ELAVL4: variants seen among roughly 807,000 people sequenced by gnomAD.
ELAVL4 encodes ELAV like RNA binding protein 4.
Under a neutral mutation model 35.6 loss-of-function variants are expected in ELAVL4, and 1 was observed. The observed-to-expected ratio is 0.03, with a 90% CI of 0.01 to 0.13. The LOEUF is 0.13. ELAVL4 is among the 10% of genes least tolerant of loss of function. ELAVL4 has a pLI of 1.00. For synonymous variants in ELAVL4, 156 were observed against 171.0 expected, an observed-to-expected ratio of 0.91 and a Z score of 0.69; for missense variants, 267 against 464.9, an observed-to-expected ratio of 0.57 and a Z score of 3.91.
chr1:50,167,668 C>T (rs1220691018), intron 2 of ELAVL4, among the ~76,000 whole-genome samples: 2 of 152,216 alleles, frequency 1.3e-5, no homozygotes, highest in Non-Finnish European at 2.9e-5. Flanking sequence ...GCATAACCTC[C>T]ATCCCTGCCA....
At chr1:50,162,566 G>C (rs1266841212) in intron 2 of ELAVL4, among the ~76,000 whole-genome samples, 1 of 152,126 alleles carries the variant, frequency 6.6e-6, no homozygotes, top group Non-Finnish European at 1.5e-5. Flanking sequence ...GGGAATTCGG[G>C]TCCTGGGTTT....
intron 5 of ELAVL4, 147 bp downstream of exon 5, chr1:50,195,933 T>C (rs1179572733): frequency 1.1e-6 from 1 of 884,774 alleles, no homozygotes; most frequent in African/African-American, 1.7e-5. Context: ...CGAGCCTCAG[T>C]TTCCATTCCT....
intron 1 of ELAVL4, among the ~76,000 whole-genome samples, chr1:50,052,253 A>T (rs574566229): frequency 1.3e-5 from 2 of 152,296 alleles, no homozygotes; most frequent in South Asian, 4.1e-4. Context: ...GAACAGTTCA[A>T]TTTGGATTTA....
intron 1 of ELAVL4, among the ~76,000 whole-genome samples, chr1:50,086,701 G>A (rs1028919603): frequency 2.0e-5 from 3 of 152,170 alleles, no homozygotes; most frequent in East Asian, 1.9e-4. Context: ...TTCTTGCTAT[G>A]AGCTTTCCAA....
At chr1:50,189,537 C>G (rs1440373506) in intron 3 of ELAVL4, among the ~76,000 whole-genome samples, 1 of 152,142 alleles carries the variant, frequency 6.6e-6, no homozygotes, top group Non-Finnish European at 1.5e-5. Flanking sequence ...AAAAGATGGT[C>G]CAGACCCCAC....
At chr1:50,112,037 A>G (rs1400880260) in intron 1 of ELAVL4, among the ~76,000 whole-genome samples, 6 of 152,178 alleles carry the variant, frequency 3.9e-5, no homozygotes, top group African/African-American at 1.4e-4. Context: ...GGCTTTATTG[A>G]AAGTACACTT....
chr1:50,119,533 C>T (rs1002944757), intron 1 of ELAVL4, among the ~76,000 whole-genome samples: 1 of 151,774 alleles, frequency 6.6e-6, no homozygotes, highest in African/African-American at 2.4e-5. Context: ...TCAGTTCCTT[C>T]TTTTTTTTAG....
At chr1:50,070,112 G>A (rs964875868) in intron 1 of ELAVL4, among the ~76,000 whole-genome samples, 1 of 152,162 alleles carries the variant, frequency 6.6e-6, no homozygotes, top group Non-Finnish European at 1.5e-5. Flanking sequence ...AGGATTCCTT[G>A]TTTTCCTGAG....
chr1:50,118,122 T>C (rs1452989512), intron 1 of ELAVL4, among the ~76,000 whole-genome samples: 1 of 152,144 alleles, frequency 6.6e-6, no homozygotes, highest in East Asian at 1.9e-4. Context: ...CTGAGCTTAA[T>C]TGATATGGTC....
intron 1 of ELAVL4, among the ~76,000 whole-genome samples, chr1:50,133,631 GAAAGA>G (rs1553174546): frequency 6.7e-6 from 1 of 148,766 alleles, no homozygotes; most frequent in African/African-American, 2.5e-5. Flanking sequence ...AAGAAAGAAA[GAAAGA>G]AAGAAAGAAA....
chr1:50,190,211 C>T (rs1023997697), intron 3 of ELAVL4, among the ~76,000 whole-genome samples: 1 of 152,182 alleles, frequency 6.6e-6, no homozygotes, highest in Admixed American at 6.5e-5. Context: ...GGGGGGTTCT[C>T]CAGGGCGCTG....
chr1:50,097,258 G>A (rs1029270644), intron 1 of ELAVL4, among the ~76,000 whole-genome samples: 1 of 152,006 alleles, frequency 6.6e-6, no homozygotes, highest in Non-Finnish European at 1.5e-5. Flanking sequence ...TGACCAGACT[G>A]GGCATTAGAG....
chr1:50,199,734 G>GA (rs146166020), intron 6 of ELAVL4, among the ~76,000 whole-genome samples: 6,307 of 147,012 alleles, frequency 0.043, 191 homozygotes, highest in African/African-American at 0.088. Context: ...AAGAAAGAAA[G>GA]AAAAAAAAAG....
At chr1:50,094,091 C>A (rs958865913) in intron 1 of ELAVL4, among the ~76,000 whole-genome samples, 1 of 152,148 alleles carries the variant, frequency 6.6e-6, no homozygotes, top group African/African-American at 2.4e-5. Flanking sequence ...CACAACAGAG[C>A]TACCTATAGC....
intron 1 of ELAVL4, among the ~76,000 whole-genome samples, chr1:50,113,891 T>C (rs570148265): frequency 1.1e-4 from 17 of 152,238 alleles, no homozygotes; most frequent in African/African-American, 4.1e-4. Context: ...AGGCTTTCCT[T>C]ATTTGGTATT....
At chr1:50,156,180 C>T (rs1322484048) in intron 2 of ELAVL4, among the ~76,000 whole-genome samples, 1 of 152,210 alleles carries the variant, frequency 6.6e-6, no homozygotes, top group African/African-American at 2.4e-5. Flanking sequence ...ACAGACTTCA[C>T]TGAAAGTCCT....
intron 2 of ELAVL4, among the ~76,000 whole-genome samples, chr1:50,165,547 AT>A (rs1362942796): frequency 2.0e-5 from 3 of 149,240 alleles, no homozygotes; most frequent in East Asian, 2.0e-4. Flanking sequence ...ATATGTATAT[AT>A]AGTATATATG....
At chr1:50,057,207 T>A (rs1311273726) in intron 1 of ELAVL4, among the ~76,000 whole-genome samples, 2 of 150,758 alleles carry the variant, frequency 1.3e-5, no homozygotes, top group East Asian at 1.9e-4. Context: ...AAAAAAAAAA[T>A]AATAGAAAAA....
intron 1 of ELAVL4, among the ~76,000 whole-genome samples, chr1:50,118,655 A>T (rs1668366050): frequency 6.6e-6 from 1 of 152,020 alleles, no homozygotes; most frequent in Non-Finnish European, 1.5e-5. Context: ...GGGGGAAATA[A>T]ATAAATAGGC....
Sources: gnomAD v4.1 joint callset for allele counts (sites outside exome capture counted in the v4.1 genomes callset) on GRCh38, gnomAD v4.1.1 for gene constraint, MANE v1.5 for transcripts, NCBI Gene and HGNC (gene_info 2026-07-23, HGNC 2026-07-21) for gene names.